SFI1: variants seen among roughly 807,000 people sequenced by gnomAD.
The protein encoded by SFI1 is protein SFI1 homolog.
A neutral mutation model predicts 207.5 loss-of-function variants in SFI1; 195 were observed. The observed-to-expected ratio is 0.94, with a 90% confidence interval of 0.84 to 1.06. The LOEUF is 1.06. SFI1 is among the 50% of genes least tolerant of loss of function. The probability of loss-of-function intolerance (pLI) is 0.00; values close to 1 mark genes in which losing one functional copy is unlikely to be tolerated. For missense variants in SFI1, 1,634 were observed against 1,588.0 expected (o/e 1.03, Z -0.49); for synonymous variants, 630 against 598.9 (o/e 1.05, Z -0.76).
At chr22:31,608,063 T>C in intron 22 of SFI1, 30 bp downstream of exon 22, 1 of 1,576,142 alleles carries the variant, frequency 6.3e-7, no homozygotes, top group Non-Finnish European at 8.7e-7. Context: ...CAAGTCATGT[T>C]GAGGAATGTG....
chr22:31,591,624 C>T (rs1358791832), intron 15 of SFI1, among the ~76,000 whole-genome samples: 4 of 114,646 alleles, frequency 3.5e-5, no homozygotes, highest in African/African-American at 1.1e-4. Context: ...CCCTCCCGGA[C>T]GGGGCGGCTG....
intron 4 of SFI1, among the ~76,000 whole-genome samples, chr22:31,541,558 A>T (rs2059491381): frequency 6.6e-6 from 1 of 151,526 alleles, no homozygotes; most frequent in Admixed American, 6.6e-5. Flanking sequence ...GTTCAAGACC[A>T]GCCTGGCCAA....
intron 27 of SFI1, 21 bp downstream of exon 27, chr22:31,613,876 T>C: frequency 6.4e-7 from 1 of 1,568,686 alleles, no homozygotes; most frequent in Non-Finnish European, 8.6e-7. Flanking sequence ...TGTGCTCACC[T>C]TGTCCTCGCT....
At chr22:31,552,160 T>C (rs1397761540) in intron 6 of SFI1, among the ~76,000 whole-genome samples, 1 of 152,192 alleles carries the variant, frequency 6.6e-6, no homozygotes, top group East Asian at 1.9e-4. Context: ...GTTAGTTCAC[T>C]TAGGATAATG....
At chr22:31,587,342 C>A (rs1177033954) in intron 14 of SFI1, 4 of 387,090 alleles carry the variant, frequency 1.0e-5, no homozygotes, top group East Asian at 1.5e-4. Context: ...CACTTTGTCA[C>A]CCAGGCTGGA....
Position 31,606,336 on chromosome 22 carries a change from T to G in SFI1, c.2063T>G (p.Leu688Ter). The change falls in exon 21 of 33, where the codon TTA becomes TGA. Residue 688 changes from leucine (L) to a stop codon, truncating the protein, a stop_gained. Coordinates refer to ENST00000400288, the MANE Select transcript of SFI1 (RefSeq NM_001007467.3). LOFTEE classifies it high-confidence loss of function. ...QHNRQLLRGA[L>*]RRWKENTMAR... ...CACCCATGCATCTGCAGCGGGGCAT[T>G]ACGTCGCTGGAAAGAGAACACCATG... is the stretch of plus-strand genomic sequence containing the variant. 4 of 1,613,828 alleles carry G rather than the reference T, an allele frequency of 2.5e-6. No homozygotes were observed. Among genetic ancestry groups the G allele is most frequent in the Non-Finnish European group, 1.7e-6 (2 of 1,180,006 alleles).
intron 5 of SFI1, among the ~76,000 whole-genome samples, chr22:31,548,469 C>T (rs1277721297): frequency 6.7e-6 from 1 of 149,316 alleles, no homozygotes; most frequent in Non-Finnish European, 1.5e-5. Context: ...AACCCCATCT[C>T]AACTAAAATA....
chr22:31,535,185 C>CTT (rs36035505), intron 4 of SFI1, among the ~76,000 whole-genome samples: 18 of 111,812 alleles, frequency 1.6e-4, no homozygotes, highest in Non-Finnish European at 2.4e-4. Flanking sequence ...TTTTTTATTG[C>CTT]TTTTTTTTTT....
At chr22:31,604,628 G>A in intron 19 of SFI1, 3 of 587,380 alleles carry the variant, frequency 5.1e-6, no homozygotes, top group African/African-American at 3.8e-5. Flanking sequence ...GCCTTGTAGC[G>A]AAAGCAGCTC....
At chr22:31,591,831 T>C (rs2066003343) in intron 15 of SFI1, among the ~76,000 whole-genome samples, 2 of 72,244 alleles carry the variant, frequency 2.8e-5, no homozygotes, top group Admixed American at 2.5e-4. Flanking sequence ...GAGGGGCTCC[T>C]CACTTCCCAG....
At chr22:31,515,988 A>G (rs1002479925) in intron 2 of SFI1, among the ~76,000 whole-genome samples, 3 of 151,660 alleles carry the variant, frequency 2.0e-5, no homozygotes, top group Non-Finnish European at 1.5e-5. Flanking sequence ...TTGGCCTCCC[A>G]AAGTGCTGGG....
chr22:31,600,576 C>T (rs2146943860), intron 15 of SFI1, among the ~76,000 whole-genome samples: 1 of 152,294 alleles, frequency 6.6e-6, no homozygotes, highest in Middle Eastern at 3.4e-3. Flanking sequence ...GGGTATTTCC[C>T]TCTGTTCAGC....
chr22:31,589,154 T>C (rs2065448293), intron 14 of SFI1, among the ~76,000 whole-genome samples: 1 of 151,960 alleles, frequency 6.6e-6, no homozygotes, highest in African/African-American at 2.4e-5. Context: ...AGGTAATGGG[T>C]ATGAACACCT....
Position 31,615,259 on chromosome 22 carries a change from G to C in SFI1, c.3280G>C (p.Gly1094Arg). 6.6e-7 allele frequency: 1 copy of C among 1,505,950 alleles called. No homozygotes were observed. Among genetic ancestry groups the C allele is most frequent in the Non-Finnish European group, 8.8e-7 (1 of 1,134,744 alleles). 93.3% of individuals were successfully genotyped at this position (1,505,950 alleles called of 1,614,324 possible). ...LLPLSSFMPC[G>R]AAAPARVSAQ... ...GCCTCTTTCCTCCTTCATGCCCTGCGGGGCGGCTGCACCAGCCAGGGTACG... is the reference window on the plus strand; with the variant it reads ...GCCTCTTTCCTCCTTCATGCCCTGCCGGGCGGCTGCACCAGCCAGGGTACG... The change falls in exon 29 of 33, where the codon GGG (glycine) becomes CGG (arginine). Residue 1094 changes from glycine to arginine, a missense_variant. Transcript: ENST00000400288.
chr22:31,496,263 A>T (rs2052637723), upstream of SFI1: 1 of 152,250 alleles, frequency 6.6e-6, no homozygotes, highest in Non-Finnish European at 1.5e-5. Flanking sequence ...TCTCTTGTCT[A>T]AGAGGAGCAG....
intron 10 of SFI1, among the ~76,000 whole-genome samples, chr22:31,576,093 C>T (rs1209206953): frequency 4.6e-5 from 7 of 151,202 alleles, no homozygotes; most frequent in African/African-American, 7.3e-5. Context: ...GGTACAATCT[C>T]GGCTCACTGC....
At position 31,618,579 on chromosome 22, in the gene SFI1, G is replaced by A. The variant is rs15086; in HGVS notation, c.*161G>A. The A allele has an allele frequency of 4.4e-6, 3 of 675,842 alleles. No individual in the cohort carries two copies. The highest frequency in any genetic ancestry group is 6.7e-6 in the Non-Finnish European group (3 of 448,922). 41.9% of individuals were successfully genotyped at this position (675,842 alleles called of 1,614,324 possible). ...CTCCCACTTTTCATACAAAAATACT[G>A]TGCTACTGATACAGTTGAAAAAATT... On this transcript the variant is annotated 3_prime_UTR_variant, in exon 33 of 33. Transcript: ENST00000400288.
Position 31,613,549 on chromosome 22 carries a change from C to T in SFI1, c.2742+19C>T, listed in dbSNP as rs777541548. On this transcript the variant is annotated intron_variant, in intron 26 of 32. Transcript: ENST00000400288. ...GGTCCAGGTAGGCCCAGGGCCCCTT[C>T]CTGTGGGGAGCAGGCAGGGTGTGGC... 4 of 1,580,714 alleles carry T rather than the reference C, an allele frequency of 2.5e-6. No homozygotes were observed. Among genetic ancestry groups the T allele is most frequent in the Non-Finnish European group, 3.4e-6 (4 of 1,164,202 alleles).
chr22:31,617,156 T>C (rs1603379352), intron 31 of SFI1, 78 bp downstream of exon 31: 3 of 1,513,318 alleles, frequency 2.0e-6, no homozygotes. Flanking sequence ...CAGTTCCATT[T>C]CCCCCGAGCC....
Sources: allele counts gnomAD v4.1 joint callset (sites outside exome capture counted in the v4.1 genomes callset), GRCh38; gene constraint gnomAD v4.1.1; transcripts MANE v1.5; gene names NCBI Gene and HGNC (gene_info 2026-07-23, HGNC 2026-07-21).